Variants in GRM4 observed in about 807,000 individuals in gnomAD.
GRM4 encodes metabotropic glutamate receptor 4.
A neutral mutation model predicts 81.7 loss-of-function variants in GRM4; 28 were observed. The observed-to-expected ratio is 0.34, with a 90% CI of 0.25 to 0.47. The LOEUF is 0.47. Among genes scored for constraint, GRM4 ranks in the 20% least tolerant of loss-of-function variants. The pLI, the probability that GRM4 is intolerant of heterozygous loss-of-function variation, is 1.00. For missense variants in GRM4, 948 were observed against 1,290.0 expected (o/e 0.73, Z 4.06); for synonymous variants, 488 against 528.8 (o/e 0.92, Z 1.06).
At chr6:34,063,821 G>A (rs1359287163) in intron 3 of GRM4, among the ~76,000 whole-genome samples, 2 of 152,168 alleles carry the variant, frequency 1.3e-5, no homozygotes, top group Admixed American at 6.5e-5. Flanking sequence ...GGCCAATTGC[G>A]ACATTCCTCC....
chr6:34,126,300 G>A (rs1344622034), intron 2 of GRM4, among the ~76,000 whole-genome samples: 1 of 152,184 alleles, frequency 6.6e-6, no homozygotes, highest in African/African-American at 2.4e-5. Context: ...CTGTATACCT[G>A]CCCCTGGGGT....
At chr6:34,107,511 C>A (rs866083614) in intron 2 of GRM4, among the ~76,000 whole-genome samples, 3 of 152,126 alleles carry the variant, frequency 2.0e-5, no homozygotes, top group Non-Finnish European at 4.4e-5. Flanking sequence ...GACCGAGAGG[C>A]GATGGGGATG....
chr6:34,071,204 C>G (rs1766804794), intron 3 of GRM4, among the ~76,000 whole-genome samples: 1 of 149,130 alleles, frequency 6.7e-6, no homozygotes, highest in African/African-American at 2.5e-5. Flanking sequence ...CAGACACACA[C>G]CTATACATCA....
In GRM4 at chr6:34,031,036, C is replaced by T. The variant is rs1213409559; in HGVS notation, c.2443-2670G>A. 2.0e-5 allele frequency among the ~76,000 whole-genome samples: 3 copies of T among 152,302 alleles called. No homozygotes were observed. In the South Asian group the frequency reaches 6.2e-4, roughly 32 times the overall value. On this transcript the variant is annotated intron_variant, in intron 9 of 10. Transcript: ENST00000538487. ...TCTGGGTCAGACATTGTTTCTGGAG[C>T]CCCCTCTGTGAAGGTACACATGGCC...
At position 34,048,706 on chromosome 6, in the gene GRM4, G is replaced by T. The variant is rs1344308883; in HGVS notation, c.1168+7838C>A. On this transcript the variant is annotated intron_variant, in intron 6 of 10. Coordinates refer to ENST00000538487, the MANE Select transcript of GRM4 (RefSeq NM_000841.4). This position sits in a 1 kb window ranked among gnomAD's most constrained non-coding sequence, Gnocchi z 4.0. Reference sequence around the variant, plus strand: ...TGGGAGGTGATTGGATCATGGGGGTGGATTTCCCCCATGCTGTTTTCATGA... The same window carrying T: ...TGGGAGGTGATTGGATCATGGGGGTTGATTTCCCCCATGCTGTTTTCATGA... 6.6e-6 allele frequency among the ~76,000 whole-genome samples: 1 copy of T among 152,070 alleles called. No homozygotes were observed. The highest frequency in any genetic ancestry group is 2.4e-5 in the African/African-American group (1 of 41,376).
intron 3 of GRM4, among the ~76,000 whole-genome samples, chr6:34,079,624 C>G (rs1767482135): frequency 1.3e-5 from 2 of 152,146 alleles, no homozygotes; most frequent in African/African-American, 2.4e-5. Context: ...GAAAGGAGCC[C>G]TTGGTTGGGC....
intron 6 of GRM4, among the ~76,000 whole-genome samples, chr6:34,044,630 G>GCA (rs141185968): frequency 8.3e-5 from 8 of 96,766 alleles, no homozygotes; most frequent in African/African-American, 2.3e-4. Context: ...ATATATACAC[G>GCA]CAGACACACA....
In GRM4 at chr6:34,028,296, T is replaced by C; in HGVS notation, c.2513A>G (p.Tyr838Cys). The C allele has an allele frequency of 6.2e-7, 1 of 1,613,470 alleles. No homozygotes were observed. The highest frequency in any genetic ancestry group is 8.5e-7 in the Non-Finnish European group (1 of 1,179,700). The change falls in exon 10 of 11, where the codon TAC becomes TGC. Residue 838 changes from tyrosine to cysteine, a missense_variant. Physicochemically the swap from Tyr to Cys is radical, Grantham distance 194 (BLOSUM62 -2). Coordinates refer to ENST00000538487, the MANE Select transcript of GRM4 (RefSeq NM_000841.4). ...LSASVSLGML[Y>C]MPKVYIILFH... Reference sequence around the variant, plus strand: ...GAGGATGATGTAGACTTTGGGCATGTAGAGCATTCCCAGGGACACCGAGGC... The same window carrying C: ...GAGGATGATGTAGACTTTGGGCATGCAGAGCATTCCCAGGGACACCGAGGC...
intron 2 of GRM4, among the ~76,000 whole-genome samples, chr6:34,100,418 C>A (rs1318377436): frequency 6.6e-6 from 1 of 152,230 alleles, no homozygotes; most frequent in African/African-American, 2.4e-5. Context: ...AGGCTGCAGG[C>A]ACTACTATCA....
At position 34,133,020 on chromosome 6, in the gene GRM4, G is replaced by A; in HGVS notation, c.477C>T (p.Ser159=). The A allele has an allele frequency of 1.2e-6, 2 of 1,612,928 alleles. No individual in the cohort carries two copies. The highest frequency in any genetic ancestry group is 1.7e-6 in the Non-Finnish European group (2 of 1,179,324). Residue 159 remains serine (S), a synonymous_variant, in exon 2 of 11, where the codon AGC becomes AGT. Coordinates refer to ENST00000538487, the MANE Select transcript of GRM4 (RefSeq NM_000841.4). The surrounding 1 kb of genome is among the most constrained non-coding windows in gnomAD (Gnocchi z 6.5). ...TGTTGGCCACCATGATGGAGACCGA[G>A]CTCCCTGAAGCACCGATGACACCCA... ...RVVGVIGASG[S]SVSIMVANIL...
intron 2 of GRM4, chr6:34,103,757 G>C: frequency 6.8e-7 from 1 of 1,472,952 alleles, no homozygotes; most frequent in Non-Finnish European, 8.9e-7. Flanking sequence ...AAGCTGCCTC[G>C]CTGTGTGACC....
rs138903767 is a variant in GRM4 at position 34,092,890 on chromosome 6, C to T, written c.520-791G>A. Among the ~76,000 whole-genome samples the T allele has an allele frequency of 4.6e-5, 7 of 152,256 alleles. No individual in the cohort carries two copies. The highest frequency in any genetic ancestry group is 1.0e-4 in the Non-Finnish European group (7 of 68,008). ...AGACCCCCTGCCTCCTGTAGATACA[C>T]CCAACCATCCCCAGGACAGGGAAGG... On this transcript the variant is annotated intron_variant, in intron 2 of 10. Coordinates refer to ENST00000538487, the MANE Select transcript of GRM4 (RefSeq NM_000841.4). The surrounding 1 kb of genome is among the most constrained non-coding windows in gnomAD (Gnocchi z 6.8).
chr6:34,029,533 A>T (rs1480622323), intron 9 of GRM4, among the ~76,000 whole-genome samples: 1 of 152,084 alleles, frequency 6.6e-6, no homozygotes, highest in East Asian at 1.9e-4. Flanking sequence ...ACTGGATGGG[A>T]TGACCTTCAT....
chr6:34,141,453 A>G (rs1770687861), intron 1 of GRM4, among the ~76,000 whole-genome samples: 1 of 152,224 alleles, frequency 6.6e-6, no homozygotes, highest in South Asian at 2.1e-4. Context: ...AGATAATGTC[A>G]TTATGCACTG....
In GRM4 at chr6:34,078,287, C is replaced by T. The variant is rs751871494; in HGVS notation, c.736+13596G>A. Among the ~76,000 whole-genome samples the T allele has an allele frequency of 3.3e-5, 5 of 152,086 alleles. No homozygotes were observed. Among genetic ancestry groups the T allele is most frequent in the Non-Finnish European group, 7.4e-5 (5 of 68,022 alleles). ...CCTTCTGCTTCTTCTCTGTCTCCCC[C>T]CAAATACACACTCTCTTCGATCATT... On this transcript the variant is annotated intron_variant, in intron 3 of 10. Coordinates refer to ENST00000538487, the MANE Select transcript of GRM4 (RefSeq NM_000841.4). The surrounding 1 kb of genome is among the most constrained non-coding windows in gnomAD (Gnocchi z 4.8).
chr6:34,070,435 C>G lies in GRM4; in HGVS notation c.737-8407G>C, dbSNP rs2499686. On this transcript the variant is annotated intron_variant, in intron 3 of 10. Coordinates refer to ENST00000538487, the MANE Select transcript of GRM4 (RefSeq NM_000841.4). The surrounding 1 kb of genome is among the most constrained non-coding windows in gnomAD (Gnocchi z 4.6). ...AAGGTGCATGCTGGCTGTGCAAAGG[C>G]ACCGGGTCACAAGGGCCCTGCCTGA... 0.11 allele frequency among the ~76,000 whole-genome samples: 16,891 copies of G among 152,042 alleles called. 1,343 individuals are homozygous for G. The highest frequency in any genetic ancestry group is 0.27 in the East Asian group (1,402 of 5,146).
intron 2 of GRM4, among the ~76,000 whole-genome samples, chr6:34,093,300 C>A (rs927837410): frequency 6.6e-6 from 1 of 152,194 alleles, no homozygotes; most frequent in African/African-American, 2.4e-5. Context: ...GGGCCACCCC[C>A]CAGACCAGTC....
At chr6:34,082,704 C>T (rs900706762) in intron 3 of GRM4, among the ~76,000 whole-genome samples, 1 of 152,244 alleles carries the variant, frequency 6.6e-6, no homozygotes, top group African/African-American at 2.4e-5. Flanking sequence ...GTGCAGTGCC[C>T]GGCCCACCCG....
intron 8 of GRM4, among the ~76,000 whole-genome samples, chr6:34,037,055 A>G (rs929227155): frequency 1.3e-5 from 2 of 152,216 alleles, no homozygotes; most frequent in African/African-American, 4.8e-5. Flanking sequence ...CTACTAACTC[A>G]GAATCTGAGT....
Sources: gnomAD v4.1 joint callset for allele counts (sites outside exome capture counted in the v4.1 genomes callset) on GRCh38, gnomAD v4.1.1 for gene constraint, Gnocchi (gnomAD v3.1) non-coding constraint, MANE v1.5 for transcripts, NCBI Gene and HGNC (gene_info 2026-07-23, HGNC 2026-07-21) for gene names.